Variants in GOLGA8B observed in about 807,000 individuals in gnomAD.
The protein encoded by GOLGA8B is golgin subfamily A member 8B.
Under a neutral mutation model 15.6 loss-of-function variants are expected in GOLGA8B, and 1 was observed. That is an observed-to-expected ratio of 0.06 (90% CI 0.02 to 0.30). GOLGA8B has a LOEUF of 0.30. GOLGA8B is among the 10% of genes least tolerant of loss of function. GOLGA8B has a pLI of 1.00. For synonymous variants in GOLGA8B, 9 were observed against 80.3 expected (o/e 0.11, Z 4.75); for missense variants, 17 against 201.3 (o/e 0.08, Z 5.54).
At chr15:34,543,341 T>C (rs1195313356) in intron 7 of GOLGA8B, among the ~76,000 whole-genome samples, 6 of 147,292 alleles carry the variant, frequency 4.1e-5, no homozygotes, top group Admixed American at 2.7e-4. Flanking sequence ...CATACACAGC[T>C]TTTTTCTTCT....
In GOLGA8B at chr15:34,570,731, C is replaced by A. The variant is rs1888893325; in HGVS notation, c.-1123+12785G>T. On this transcript the variant is annotated intron_variant, in intron 1 of 23. Transcript: ENST00000683415. The stretch of plus-strand genomic sequence containing the variant: ...TGAAGCAAGGTGGGCAGGCAGCCCA[C>A]AAATTTAAAAGGCAACAACTTTTCT... Among the ~76,000 whole-genome samples, 3 of 112,832 alleles carry A rather than the reference C, an allele frequency of 2.7e-5. 1 individual carries two copies. The highest frequency in any genetic ancestry group is 8.8e-5 in the African/African-American group (3 of 33,932). The allele number at this position is 112,832 out of a possible 152,430, so 74.0% of individuals were successfully genotyped here. A position where few individuals can be genotyped will look rare whatever the true frequency, so the allele number is the denominator to read the frequency against.
chr15:34,565,387 G>C (rs7179782), intron 1 of GOLGA8B, among the ~76,000 whole-genome samples: 19,081 of 113,092 alleles, frequency 0.17, 1,730 homozygotes, highest in Admixed American at 0.28. Flanking sequence ...CACCCGCCTC[G>C]GCCTCCCAAA....
rs1391765936 is a variant in GOLGA8B, at chr15:34,525,775, G to A, written c.*1857C>T. ...GACCCAATATCTGCCCTCTTTCAGT[G>A]AATGCCGGCAAATCTGTTATTCCAT... is the stretch of plus-strand genomic sequence containing the variant. On this transcript the variant is annotated 3_prime_UTR_variant, in exon 24 of 24. Coordinates refer to ENST00000683415, the MANE Select transcript of GOLGA8B (RefSeq NM_001023567.5). The A allele has an allele frequency of 6.7e-6, 1 of 149,538 alleles. No individual in the cohort carries two copies. Among genetic ancestry groups the A allele is most frequent in the African/African-American group, 2.5e-5 (1 of 40,370 alleles). 9.3% of individuals were successfully genotyped at this position (149,538 alleles called of 1,614,324 possible).
At chr15:34,579,520 C>CA (rs1282326923) in intron 1 of GOLGA8B, among the ~76,000 whole-genome samples, 1 of 152,112 alleles carries the variant, frequency 6.6e-6, no homozygotes, top group African/African-American at 2.4e-5. Context: ...ACTGAAAATC[C>CA]AAAAAGGAAT....
intron 1 of GOLGA8B, among the ~76,000 whole-genome samples, chr15:34,575,904 T>C (rs151139072): frequency 2.0e-5 from 3 of 152,120 alleles, no homozygotes; most frequent in Admixed American, 6.5e-5. Context: ...AGTAGCTGCT[T>C]GGAAAATACC....
chr15:34,528,150 ACCC>A (rs1209669391), intron 22 of GOLGA8B, 36 bp downstream of exon 22: 6 of 348,106 alleles, frequency 1.7e-5, no homozygotes, highest in East Asian at 4.2e-5. Context: ...CCACACCCCC[ACCC>A]CACCCCCACC....
At chr15:34,560,025 A>G (rs1348225800) in intron 1 of GOLGA8B, among the ~76,000 whole-genome samples, 1 of 149,338 alleles carries the variant, frequency 6.7e-6, no homozygotes, top group Non-Finnish European at 1.5e-5. Context: ...TGAGTAAATA[A>G]TACAACCACA....
intron 1 of GOLGA8B, among the ~76,000 whole-genome samples, chr15:34,562,540 G>A (rs1252968843): frequency 1.6e-5 from 2 of 125,664 alleles, no homozygotes; most frequent in African/African-American, 5.4e-5. Context: ...TGTCTTTAAG[G>A]AGCTATTTTG....
In GOLGA8B at chr15:34,526,260, G is replaced by T. The variant is rs567095243; in HGVS notation, c.*1372C>A. On this transcript the variant is annotated 3_prime_UTR_variant, in exon 24 of 24. Transcript: ENST00000683415. ...GCAGCACAGTGTGTAAACATTTTCA[G>T]TTGCATAAACTTCTCCTTGATTTTC... The T allele has an allele frequency of 6.7e-6, 1 of 149,966 alleles. No homozygotes were observed. Among genetic ancestry groups the T allele is most frequent in the South Asian group, 2.1e-4 (1 of 4,684 alleles). 9.3% of individuals were successfully genotyped at this position (149,966 alleles called of 1,614,324 possible).
intron 1 of GOLGA8B, 82 bp downstream of exon 1, chr15:34,583,434 C>A (rs1427373675): frequency 6.6e-6 from 1 of 151,638 alleles, no homozygotes; most frequent in East Asian, 2.0e-4. Context: ...CCGCCCCCCA[C>A]GCGTCGGGGT....
chr15:34,582,472 G>A (rs1010212987), intron 1 of GOLGA8B, among the ~76,000 whole-genome samples: 6 of 152,250 alleles, frequency 3.9e-5, no homozygotes, highest in Non-Finnish European at 5.9e-5. Context: ...AGTGCCAGAC[G>A]CAAGATGCGA....
intron 1 of GOLGA8B, among the ~76,000 whole-genome samples, chr15:34,577,200 C>A (rs1889107158): frequency 6.7e-6 from 1 of 150,076 alleles, no homozygotes; most frequent in Non-Finnish European, 1.5e-5. Flanking sequence ...CTTATTACAC[C>A]AAAAGACTGA....
intron 1 of GOLGA8B, among the ~76,000 whole-genome samples, chr15:34,569,487 C>G (rs1386117843): frequency 6.6e-6 from 1 of 151,324 alleles, no homozygotes; most frequent in African/African-American, 2.4e-5. Flanking sequence ...CCACATCACG[C>G]CACCCTGCAG....
At chr15:34,583,201 G>GCCCGCGCCGAGAGTGGC (rs1232780203) in intron 1 of GOLGA8B, among the ~76,000 whole-genome samples, 1 of 151,984 alleles carries the variant, frequency 6.6e-6, no homozygotes, top group Non-Finnish European at 1.5e-5. Flanking sequence ...AGCGCCACTT[G>GCCCGCGCCGAGAGTGGC]CCCGCGCCGA....
chr15:34,578,488 GA>G (rs1889142097), intron 1 of GOLGA8B, among the ~76,000 whole-genome samples: 1 of 152,168 alleles, frequency 6.6e-6, no homozygotes, highest in South Asian at 2.1e-4. Context: ...GAGACAGAGA[GA>G]AAACATGGGC....
intron 1 of GOLGA8B, among the ~76,000 whole-genome samples, chr15:34,575,535 C>T (rs1377931859): frequency 1.3e-5 from 2 of 151,888 alleles, no homozygotes; most frequent in Non-Finnish European, 2.9e-5. Flanking sequence ...TGGTCAGGAA[C>T]TGCCCCCCAA....
At chr15:34,578,837 C>T (rs1186815714) in intron 1 of GOLGA8B, among the ~76,000 whole-genome samples, 2 of 152,084 alleles carry the variant, frequency 1.3e-5, no homozygotes, top group African/African-American at 2.4e-5. Flanking sequence ...ATTTTTTTCT[C>T]TTAATTTTGA....
rs1305615117 is a variant in GOLGA8B at position 34,526,275 on chromosome 15, CCTT to C, written c.*1354_*1356del. 3 of 149,786 alleles carry C rather than the reference CCTT, an allele frequency of 2.0e-5. 1 individual carries two copies. Among genetic ancestry groups the C allele is most frequent in the East Asian group, 1.9e-4 (1 of 5,136 alleles). The allele number at this position is 149,786 out of a possible 1,614,324, so 9.3% of individuals were successfully genotyped here. On this transcript the variant is annotated 3_prime_UTR_variant, in exon 24 of 24. Transcript: ENST00000683415. Reference sequence around the variant, plus strand: ...AACATTTTCAGTTGCATAAACTTCTCCTTGATTTTCAAAGATAATATAATACTG... The same window carrying C: ...AACATTTTCAGTTGCATAAACTTCTCGATTTTCAAAGATAATATAATACTG...
At position 34,580,249 on chromosome 15, in the gene GOLGA8B, G is replaced by A. The variant is rs1238913632; in HGVS notation, c.-1123+3267C>T. Among the ~76,000 whole-genome samples the A allele has an allele frequency of 3.9e-5, 6 of 152,346 alleles. No individual in the cohort carries two copies. The East Asian group carries it at 1.2e-3, about 29-fold the overall frequency. On this transcript the variant is annotated intron_variant, in intron 1 of 23. Transcript: ENST00000683415. ...CAGGGCAGATCTGGGCAATGAGCCT[G>A]TCTGCCTGGAGCCAGGAGAGCCTGG...
Sources: gnomAD v4.1 joint callset for allele counts (sites outside exome capture counted in the v4.1 genomes callset) on GRCh38, gnomAD v4.1.1 for gene constraint, MANE v1.5 for transcripts, NCBI Gene and HGNC (gene_info 2026-07-23, HGNC 2026-07-21) for gene names.